DNM3: variants seen among roughly 807,000 people sequenced by gnomAD.
DNM3 encodes the protein dynamin-3.
DNM3 carries 47 observed loss-of-function variants against 101.6 expected under a neutral mutation model. The ratio of observed to expected loss-of-function variants is 0.46; its 90% confidence interval spans 0.37 to 0.59. The LOEUF is 0.59. Among genes scored for constraint, DNM3 ranks in the 20% least tolerant of loss-of-function variants. The probability of loss-of-function intolerance (pLI) is 0.00; values close to 1 mark genes in which losing one functional copy is unlikely to be tolerated. For synonymous variants in DNM3, 385 were observed against 387.9 expected (o/e 0.99, Z 0.09); for missense variants, 849 against 1,085.7 (o/e 0.78, Z 3.06).
chr1:172,242,587 C>T (rs1247506087), intron 14 of DNM3, among the ~76,000 whole-genome samples: 4 of 152,182 alleles, frequency 2.6e-5, no homozygotes, highest in Admixed American at 6.5e-5. Flanking sequence ...GAATCATAGG[C>T]GCCACCACAT....
At chr1:172,007,014 T>A (rs1479063741) in intron 4 of DNM3, among the ~76,000 whole-genome samples, 1 of 152,130 alleles carries the variant, frequency 6.6e-6, no homozygotes, top group Admixed American at 6.6e-5. Flanking sequence ...ATAGGTGAAT[T>A]GTAACTCATT....
Position 171,999,870 on chromosome 1 carries a change from C to T in DNM3, c.589+10722C>T, listed in dbSNP as rs114388026. Among the ~76,000 whole-genome samples, 1,258 of 152,114 alleles carry T rather than the reference C, an allele frequency of 8.3e-3. 23 individuals carry two copies. Among genetic ancestry groups the T allele is most frequent in the African/African-American group, 0.028 (1,176 of 41,512 alleles). Reference sequence around the variant, plus strand: ...CACAGCCAAAGAATGCTAGGAGTCACCAGAAGTTGGCAGAGGCAAGGAAGA... The same window carrying T: ...CACAGCCAAAGAATGCTAGGAGTCATCAGAAGTTGGCAGAGGCAAGGAAGA... On this transcript the variant is annotated intron_variant, in intron 4 of 20. Transcript: ENST00000627582.
intron 13 of DNM3, among the ~76,000 whole-genome samples, chr1:172,120,126 C>T (rs373804153): frequency 2.0e-5 from 3 of 152,078 alleles, no homozygotes; most frequent in East Asian, 3.8e-4. Context: ...AAAGATATAC[C>T]TGAGACTTGG....
intron 1 of DNM3, among the ~76,000 whole-genome samples, chr1:171,875,136 G>C (rs2035642940): frequency 6.6e-6 from 1 of 152,162 alleles, no homozygotes; most frequent in Non-Finnish European, 1.5e-5. Context: ...ACATATGAGT[G>C]CATGTGTCTT....
At chr1:172,115,388 T>C (rs1313326592) in intron 13 of DNM3, among the ~76,000 whole-genome samples, 1 of 152,188 alleles carries the variant, frequency 6.6e-6, no homozygotes, top group Non-Finnish European at 1.5e-5. Flanking sequence ...CTGCTTCTCC[T>C]CTTTCTCTTG....
At chr1:172,318,967 A>G (rs1050325814) in intron 16 of DNM3, among the ~76,000 whole-genome samples, 7 of 152,014 alleles carry the variant, frequency 4.6e-5, no homozygotes, top group Non-Finnish European at 1.0e-4. Flanking sequence ...TGGAGGCATC[A>G]CGCTACCTGA....
intron 15 of DNM3, among the ~76,000 whole-genome samples, chr1:172,263,769 A>G (rs1465380585): frequency 6.6e-6 from 1 of 152,174 alleles, no homozygotes; most frequent in African/African-American, 2.4e-5. Flanking sequence ...ACAATTCAAG[A>G]TGAGATTTGG....
In DNM3 at chr1:172,410,308, G is replaced by T. The variant is rs910966686; in HGVS notation, c.*2467G>T. 1 of 985,216 alleles carries T rather than the reference G, an allele frequency of 1.0e-6. No homozygotes were observed. The highest frequency in any genetic ancestry group is 1.7e-5 in the African/African-American group (1 of 57,226). 61.0% of individuals were successfully genotyped at this position (985,216 alleles called of 1,614,324 possible). On this transcript the variant is annotated 3_prime_UTR_variant, in exon 21 of 21. Coordinates refer to ENST00000627582, the MANE Select transcript of DNM3 (RefSeq NM_015569.5). ...GTGCAGCATGCACACCAGGCCTTAA[G>T]ATGGGAATGTAGCTTAATGATTTTC...
chr1:172,369,063 A>T (rs1573629741), intron 17 of DNM3, among the ~76,000 whole-genome samples: 4 of 152,084 alleles, frequency 2.6e-5, no homozygotes, highest in Admixed American at 2.6e-4. Context: ...TAAAAGAAGA[A>T]TTAACACCAA....
At chr1:171,887,006 C>T (rs1348072653) in intron 1 of DNM3, among the ~76,000 whole-genome samples, 5 of 152,008 alleles carry the variant, frequency 3.3e-5, no homozygotes, top group East Asian at 3.9e-4. Flanking sequence ...AACGTAAAAT[C>T]GTCAAATACA....
At chr1:172,294,586 A>G (rs567699209) in intron 15 of DNM3, among the ~76,000 whole-genome samples, 2 of 152,294 alleles carry the variant, frequency 1.3e-5, no homozygotes, top group South Asian at 4.1e-4. Context: ...GGATTGCTAT[A>G]AAGAGTAAAT....
chr1:172,217,760 CTG>C (rs1331400736), intron 14 of DNM3, among the ~76,000 whole-genome samples: 3 of 151,962 alleles, frequency 2.0e-5, no homozygotes, highest in African/African-American at 7.2e-5. Context: ...AGGAAAAAGA[CTG>C]AGAGGAATAG....
intron 2 of DNM3, among the ~76,000 whole-genome samples, chr1:171,973,911 C>T (rs115848629): frequency 0.018 from 2,806 of 152,126 alleles, 75 homozygotes; most frequent in African/African-American, 0.064. Flanking sequence ...GTGATCCTCC[C>T]GCCTTGGCCT....
chr1:172,033,135 A>G lies in DNM3; in HGVS notation c.719A>G (p.Lys240Arg), dbSNP rs1446545746. 1 of 1,612,714 alleles carries G rather than the reference A, an allele frequency of 6.2e-7. No individual in the cohort carries two copies. Among genetic ancestry groups the G allele is most frequent in the East Asian group, 2.2e-5 (1 of 44,840 alleles). Reference sequence around the variant, plus strand: ...GTGGGGGTGGTAAACAGAAGCCAGAAGGACATAGATGGGAAGAAGGACATA... The same window carrying G: ...GTGGGGGTGGTAAACAGAAGCCAGAGGGACATAGATGGGAAGAAGGACATA... ...GYVGVVNRSQ[K>R]DIDGKKDIKA... Residue 240 changes from lysine to arginine, a missense_variant, in exon 6 of 21, where the codon AAG becomes AGG. By Grantham distance (26) the Lys-to-Arg change is conservative. Around this residue, in one of 5 missense-constraint regions of DNM3, gnomAD observed 388 missense variants for 483.0 expected, o/e 0.80. Transcript: ENST00000627582.
chr1:172,195,277 A>G (rs1056354867), intron 14 of DNM3, among the ~76,000 whole-genome samples: 2 of 151,942 alleles, frequency 1.3e-5, no homozygotes, highest in African/African-American at 4.8e-5. Flanking sequence ...TTAATCTTGA[A>G]TCTTATAACC....
At chr1:171,845,500 G>A (rs1000299637) in intron 1 of DNM3, among the ~76,000 whole-genome samples, 1 of 152,166 alleles carries the variant, frequency 6.6e-6, no homozygotes, top group African/African-American at 2.4e-5. Context: ...CTGTAAGTGA[G>A]CCATGATTGT....
At chr1:171,956,243 T>G (rs1213692188) in intron 2 of DNM3, among the ~76,000 whole-genome samples, 3 of 152,178 alleles carry the variant, frequency 2.0e-5, no homozygotes, top group African/African-American at 4.8e-5. Context: ...GCGAGTCCCT[T>G]CTGCCTATGA....
intron 14 of DNM3, among the ~76,000 whole-genome samples, chr1:172,149,418 T>C (rs1440009236): frequency 6.6e-6 from 1 of 152,160 alleles, no homozygotes; most frequent in African/African-American, 2.4e-5. Context: ...GATTTATGAC[T>C]CCAATAAAAT....
Position 172,236,961 on chromosome 1 carries a change from C to T in DNM3, c.1660-16612C>T, listed in dbSNP as rs139322478. On this transcript the variant is annotated intron_variant, in intron 14 of 20. Coordinates refer to ENST00000627582, the MANE Select transcript of DNM3 (RefSeq NM_015569.5). ...CTTCCTCTATCTCACTCATTCTCTC[C>T]TGTTTTATTAAGGGCCGAACATTAT... Among the ~76,000 whole-genome samples, 1,041 of 152,230 alleles carry T rather than the reference C, an allele frequency of 6.8e-3. 22 individuals are homozygous for T. The highest frequency in any genetic ancestry group is 0.024 in the African/African-American group (984 of 41,532).
Sources: allele counts gnomAD v4.1 joint callset (sites outside exome capture counted in the v4.1 genomes callset), GRCh38; gene constraint gnomAD v4.1.1; regional missense constraint gnomAD v4.1.1; transcripts MANE v1.5; gene names NCBI Gene and HGNC (gene_info 2026-07-23, HGNC 2026-07-21).